The following STON2 variants were observed in gnomAD, a reference collection of about 807,000 sequenced individuals.
STON2 encodes stonin 2, also known as stonin-2.
A neutral mutation model predicts 65.7 loss-of-function variants in STON2; 29 were observed. The observed-to-expected ratio is 0.44, with a 90% CI of 0.33 to 0.60. The LOEUF (loss-of-function observed/expected upper bound fraction) is 0.60, where lower values mean the gene tolerates loss of function less well. Ranked by LOEUF, STON2 falls within the 20% of genes least tolerant of loss-of-function variation. The pLI, the probability that STON2 is intolerant of heterozygous loss-of-function variation, is 0.03. For missense variants in STON2, 1,054 were observed against 1,118.1 expected (o/e 0.94, Z 0.82); for synonymous variants, 404 against 414.2 (o/e 0.98, Z 0.30).
chr14:81,279,930 A>T (rs1205266168), intron 5 of STON2, among the ~76,000 whole-genome samples: 1 of 152,230 alleles, frequency 6.6e-6, no homozygotes, highest in Non-Finnish European at 1.5e-5. Flanking sequence ...AGTTTGAAGA[A>T]CAGAGATGTC....
At chr14:81,321,871 T>A (rs532399481) in intron 5 of STON2, among the ~76,000 whole-genome samples, 1 of 152,194 alleles carries the variant, frequency 6.6e-6, no homozygotes, top group South Asian at 2.1e-4. Context: ...CCCCATCCCA[T>A]CCCATGGAAA....
At position 81,365,585 on chromosome 14, in the gene STON2, G is replaced by A. The variant is rs75138707; in HGVS notation, c.571+5403C>T. On this transcript the variant is annotated intron_variant, in intron 4 of 7. Coordinates refer to ENST00000614646, the MANE Select transcript of STON2 (RefSeq NM_001394390.1). ...AAACTGTCCAACACAGTGAAACCCCGTCTCTACTAAAAATACAAAAATTAG... is the reference window on the plus strand; with the variant it reads ...AAACTGTCCAACACAGTGAAACCCCATCTCTACTAAAAATACAAAAATTAG... Among the ~76,000 whole-genome samples the A allele has an allele frequency of 3.0e-3, 460 of 151,932 alleles. 1 individual carries two copies. Among genetic ancestry groups the A allele is most frequent in the African/African-American group, 9.0e-3 (373 of 41,422 alleles).
Position 81,263,399 on chromosome 14 carries a change from G to A in STON2, c.*5015C>T, listed in dbSNP as rs1289288301. 6.6e-6 allele frequency among the ~76,000 whole-genome samples: 1 copy of A among 151,964 alleles called. No homozygotes were observed. Among genetic ancestry groups the A allele is most frequent in the African/African-American group, 2.4e-5 (1 of 41,366 alleles). On this transcript the variant is annotated 3_prime_UTR_variant, in exon 8 of 8. Transcript: ENST00000614646. The stretch of plus-strand genomic sequence containing the variant: ...CTAAAAATACAAAAATTAGTCAGGC[G>A]TGGTGGCACATGCCTGTAGTCCCAG...
At chr14:81,358,976 G>A (rs1898374147) in intron 4 of STON2, among the ~76,000 whole-genome samples, 3 of 152,174 alleles carry the variant, frequency 2.0e-5, no homozygotes, top group Admixed American at 2.0e-4. Context: ...ATAATGGCCA[G>A]ATTAACCAGA....
At chr14:81,414,819 G>A (rs895677391) in intron 2 of STON2, among the ~76,000 whole-genome samples, 1 of 152,094 alleles carries the variant, frequency 6.6e-6, no homozygotes, top group Non-Finnish European at 1.5e-5. Flanking sequence ...TTATAAATTA[G>A]ATAATGTAAA....
intron 5 of STON2, among the ~76,000 whole-genome samples, chr14:81,282,177 G>C (rs969214288): frequency 6.6e-5 from 10 of 152,156 alleles, no homozygotes; most frequent in Non-Finnish European, 1.0e-4. Context: ...GAAAAAACCT[G>C]AATGCCCAAC....
intron 6 of STON2, among the ~76,000 whole-genome samples, chr14:81,271,978 T>C (rs1157543877): frequency 6.6e-6 from 1 of 152,050 alleles, no homozygotes; most frequent in African/African-American, 2.4e-5. Flanking sequence ...AAACTGAACC[T>C]AGCGGGAGGC....
At chr14:81,321,736 ACCAAACAGG>A (rs1896828040) in intron 5 of STON2, among the ~76,000 whole-genome samples, 1 of 152,186 alleles carries the variant, frequency 6.6e-6, no homozygotes, top group African/African-American at 2.4e-5. Context: ...CTAAAAACAT[ACCAAACAGG>A]CCATGAATGG....
At chr14:81,296,705 G>A (rs1452306491) in intron 5 of STON2, among the ~76,000 whole-genome samples, 2 of 152,142 alleles carry the variant, frequency 1.3e-5, no homozygotes, top group Non-Finnish European at 2.9e-5. Flanking sequence ...AAAACACAGA[G>A]GGTTGCTTCC....
intron 3 of STON2, among the ~76,000 whole-genome samples, chr14:81,380,137 T>C (rs1180807563): frequency 6.6e-6 from 1 of 151,834 alleles, no homozygotes; most frequent in Non-Finnish European, 1.5e-5. Context: ...GAAACTTAAA[T>C]CAACAAGCAA....
At chr14:81,359,382 A>G (rs531304179) in intron 4 of STON2, among the ~76,000 whole-genome samples, 7 of 152,240 alleles carry the variant, frequency 4.6e-5, no homozygotes, top group Admixed American at 2.6e-4. Flanking sequence ...TGTGGCAAAG[A>G]CAGTTCTAAG....
At chr14:81,362,185 T>C (rs796245825) in intron 4 of STON2, among the ~76,000 whole-genome samples, 51 of 152,324 alleles carry the variant, frequency 3.3e-4, no homozygotes, top group African/African-American at 1.1e-3. Flanking sequence ...TGCATGCCCA[T>C]GTTCACTACA....
intron 1 of STON2, among the ~76,000 whole-genome samples, chr14:81,434,419 G>A (rs1045115402): frequency 6.6e-6 from 1 of 152,138 alleles, no homozygotes; most frequent in Non-Finnish European, 1.5e-5. Context: ...ACAACTGAAA[G>A]GGCTGCCATG....
In STON2 at chr14:81,278,289, C is replaced by T. The variant is rs1894952469; in HGVS notation, c.1193G>A (p.Arg398His). ...ACTGGAAATGGAACTGTTTTGGGAG[C>T]GCCTCTCCTGCTCCTCAAAGAAAGC... ...FSAFFEEQER[R>H]SQNSSISSTT... Residue 398 changes from arginine (R) to histidine (H), a missense_variant, in exon 6 of 8, where the codon CGC becomes CAC. By Grantham distance (29) the Arg-to-His change is conservative (BLOSUM62 0). Transcript: ENST00000614646. The T allele has an allele frequency of 2.5e-6, 4 of 1,614,116 alleles. No individual in the cohort carries two copies. Among genetic ancestry groups the T allele is most frequent in the South Asian group, 1.1e-5 (1 of 91,084 alleles).
chr14:81,357,901 G>T (rs1475318750), intron 4 of STON2, among the ~76,000 whole-genome samples: 1 of 111,988 alleles, frequency 8.9e-6, no homozygotes, highest in Admixed American at 1.1e-4. Flanking sequence ...GGTGGGGGGA[G>T]GGGGGAGGGA....
At chr14:81,293,169 C>A (rs2140161489) in intron 5 of STON2, among the ~76,000 whole-genome samples, 1 of 139,756 alleles carries the variant, frequency 7.2e-6, no homozygotes, top group South Asian at 2.3e-4. Flanking sequence ...TTCTTGCTGA[C>A]TTGTGTCTTT....
At chr14:81,399,509 T>G (rs1232550728) in intron 1 of STON2, among the ~76,000 whole-genome samples, 1 of 152,226 alleles carries the variant, frequency 6.6e-6, no homozygotes, top group African/African-American at 2.4e-5. Context: ...TTAGGAAATT[T>G]TACTACAGGT....
chr14:81,373,999 C>CTTTTTTTTTTTTTTTTTTTTTTTT (rs57877137), intron 3 of STON2, among the ~76,000 whole-genome samples: 1 of 60,470 alleles, frequency 1.7e-5, no homozygotes, highest in Non-Finnish European at 2.8e-5. Flanking sequence ...ATAATAATGC[C>CTTTTTTTTTTTTTTTTTTTTTTTT]TTTTTTTTTT....
chr14:81,391,808 T>C (rs932624288), intron 3 of STON2, among the ~76,000 whole-genome samples: 1 of 152,204 alleles, frequency 6.6e-6, no homozygotes, highest in African/African-American at 2.4e-5. Flanking sequence ...GCATCAAGTC[T>C]GCTGGGAACC....
Sources: gnomAD v4.1 joint callset for allele counts (sites outside exome capture counted in the v4.1 genomes callset) on GRCh38, gnomAD v4.1.1 for gene constraint, MANE v1.5 for transcripts, NCBI Gene and HGNC (gene_info 2026-07-23, HGNC 2026-07-21) for gene names.